The following XPO1 variants were observed in gnomAD, a reference collection of about 807,000 sequenced individuals.
XPO1 encodes the protein exportin 1.
A neutral mutation model predicts 133.3 loss-of-function variants in XPO1; 5 were observed. That is an observed-to-expected ratio of 0.04 (90% confidence interval 0.02 to 0.08). The LOEUF (loss-of-function observed/expected upper bound fraction) is 0.08, where lower values mean the gene tolerates loss of function less well. Ranked by LOEUF, XPO1 falls within the 10% of genes least tolerant of loss-of-function variation. The pLI, the probability that XPO1 is intolerant of heterozygous loss-of-function variation, is 1.00. For synonymous variants in XPO1, 419 were observed against 408.2 expected, an observed-to-expected ratio of 1.03 and a Z score of -0.32; for missense variants, 506 against 1,267.5, an observed-to-expected ratio of 0.40 and a Z score of 9.12.
At chr2:61,498,118 A>T (rs1002250700) in intron 9 of XPO1, among the ~76,000 whole-genome samples, 1 of 152,208 alleles carries the variant, frequency 6.6e-6, no homozygotes, top group African/African-American at 2.4e-5. Flanking sequence ...TTATTTTGAG[A>T]CAGGGTCTCG....
chr2:61,501,344 T>C (rs998856314), intron 6 of XPO1, among the ~76,000 whole-genome samples: 2 of 151,912 alleles, frequency 1.3e-5, no homozygotes, highest in South Asian at 4.1e-4. Context: ...GGACTAAGCA[T>C]GGAAATCAAT....
intron 2 of XPO1, among the ~76,000 whole-genome samples, chr2:61,531,977 G>C (rs935153431): frequency 1.3e-5 from 2 of 152,074 alleles, no homozygotes; most frequent in African/African-American, 4.8e-5. Context: ...TTCTACTATA[G>C]TAAAAGCAGT....
At chr2:61,488,975 G>A (rs1331865547) in intron 17 of XPO1, among the ~76,000 whole-genome samples, 6 of 151,964 alleles carry the variant, frequency 3.9e-5, no homozygotes, top group East Asian at 1.9e-4. Context: ...GGTGGCAGCC[G>A]CCTGTAGTCC....
At position 61,492,045 on chromosome 2, in the gene XPO1, T is replaced by C. The variant is rs964863809; in HGVS notation, c.1877A>G (p.Gln626Arg). The change falls in exon 16 of 25, where the codon CAG becomes CGG. Residue 626 changes from glutamine to arginine, a missense_variant. This residue lies in a region of XPO1 where 60 missense variants were observed against 211.0 expected (regional missense o/e 0.28). Transcript: ENST00000401558. This position sits in a 1 kb window ranked among gnomAD's most constrained non-coding sequence, Gnocchi z 5.6. The stretch of plus-strand genomic sequence containing the variant: ...CAGTGCTTAACATACCTGTTGAGGC[T>C]GAAGATCACAAATAATAGTGTTAAT... ...NNINTIICDL[Q>R]PQQVHTFYEA... The C allele has an allele frequency of 2.5e-6, 4 of 1,614,196 alleles. No individual in the cohort carries two copies. Among genetic ancestry groups the C allele is most frequent in the Non-Finnish European group, 3.4e-6 (4 of 1,180,030 alleles).
chr2:61,493,830 T>C (rs1317619448), intron 12 of XPO1, 64 bp downstream of exon 12: 11 of 1,526,774 alleles, frequency 7.2e-6, no homozygotes, highest in Non-Finnish European at 9.9e-6. Context: ...TTAGAAGTAT[T>C]TGGATTCAGA....
intron 4 of XPO1, among the ~76,000 whole-genome samples, chr2:61,504,554 TCAG>T (rs1406627544): frequency 6.6e-6 from 1 of 152,208 alleles, no homozygotes; most frequent in African/African-American, 2.4e-5. Flanking sequence ...TTCATAGCGT[TCAG>T]ATTTTTGGAA....
chr2:61,482,845 G>C, intron 22 of XPO1, 112 bp downstream of exon 22: 1 of 1,307,140 alleles, frequency 7.7e-7, no homozygotes, highest in Non-Finnish European at 1.1e-6. Flanking sequence ...GGCTGTTCTC[G>C]AACTCCTGAC....
At chr2:61,534,032 C>T (rs1247794982) in intron 1 of XPO1, 129 bp from the exon 2 acceptor site, 15 of 928,214 alleles carry the variant, frequency 1.6e-5, no homozygotes, top group Non-Finnish European at 1.9e-5. Flanking sequence ...ACTTTAATTA[C>T]AGAAAACTGA....
intron 4 of XPO1, among the ~76,000 whole-genome samples, chr2:61,516,090 C>T (rs1268844575): frequency 6.6e-6 from 1 of 151,246 alleles, no homozygotes; most frequent in African/African-American, 2.4e-5. Flanking sequence ...CTCGCCACTA[C>T]ACTCCAGCCT....
chr2:61,506,594 G>C (rs62151772), intron 4 of XPO1, among the ~76,000 whole-genome samples: 1 of 20,194 alleles, frequency 5.0e-5, no homozygotes, highest in African/African-American at 2.5e-4. Context: ...GCAAGATTCC[G>C]TCTCAAAAAA....
At chr2:61,534,052 A>G in intron 1 of XPO1, 149 bp from the exon 2 acceptor site, 1 of 751,380 alleles carries the variant, frequency 1.3e-6, no homozygotes, top group Non-Finnish European at 1.9e-6. Context: ...AGATAGTAAA[A>G]GCAAGTAACA....
intron 10 of XPO1, among the ~76,000 whole-genome samples, chr2:61,496,077 A>G (rs192745507): frequency 7.5e-4 from 115 of 152,318 alleles, no homozygotes; most frequent in African/African-American, 2.6e-3. Context: ...TAGGACTTAG[A>G]TTTTGACTCT....
Position 61,478,929 on chromosome 2 carries a change from T to C in XPO1, c.3107A>G (p.Glu1036Gly). The change falls in exon 25 of 25, where the codon GAA becomes GGA. Residue 1036 changes from glutamate to glycine, a missense_variant. Transcript: ENST00000401558. Reference sequence around the variant, plus strand: ...CTGCCGTAGGGCTATTTCTCTCTCTTCCAAAAACAAATCAGAAGTGTCTTC... The same window carrying C: ...CTGCCGTAGGGCTATTTCTCTCTCTCCCAAAAACAAATCAGAAGTGTCTTC... The part of the protein sequence containing the change: ...AGEDTSDLFL[E>G]EREIALRQAD... 1.2e-6 allele frequency: 2 copies of C among 1,613,996 alleles called. No homozygotes were observed. The highest frequency in any genetic ancestry group is 1.7e-6 in the Non-Finnish European group (2 of 1,179,978).
chr2:61,518,686 C>A (rs1698533656), intron 4 of XPO1, among the ~76,000 whole-genome samples: 1 of 151,968 alleles, frequency 6.6e-6, no homozygotes, highest in Non-Finnish European at 1.5e-5. Context: ...GCCCCAATAT[C>A]AAGGAGCTTA....
At chr2:61,482,612 G>A (rs1413279368) in intron 22 of XPO1, 73 bp from the exon 23 acceptor site, 1 of 1,023,526 alleles carries the variant, frequency 9.8e-7, no homozygotes, top group South Asian at 2.1e-5. Flanking sequence ...TTTTTGTTTT[G>A]TTTTTTTTTT....
intron 17 of XPO1, among the ~76,000 whole-genome samples, chr2:61,490,418 C>A (rs1041310174): frequency 6.6e-6 from 1 of 152,000 alleles, no homozygotes; most frequent in African/African-American, 2.4e-5. Flanking sequence ...AGGCTGATCT[C>A]GAACTTCTGG....
intron 16 of XPO1, among the ~76,000 whole-genome samples, chr2:61,491,733 AG>A (rs1235768163): frequency 2.0e-5 from 3 of 151,904 alleles, no homozygotes; most frequent in Non-Finnish European, 2.9e-5. Flanking sequence ...ATCTCTACCA[AG>A]GGGGGGAAAA....
Position 61,495,468 on chromosome 2 carries a change from T to C in XPO1, c.1034A>G (p.Glu345Gly). ...QLIEKRLNLR[E>G]TLMEALHYML... Reference sequence around the variant, plus strand: ...CACATATCTTACCTCCATAAGAGTTTCCCTGAGATTTAATCTTTTTTCTAT... The same window carrying C: ...CACATATCTTACCTCCATAAGAGTTCCCCTGAGATTTAATCTTTTTTCTAT... Residue 345 changes from glutamate (E) to glycine (G), a missense_variant, in exon 11 of 25, where the codon GAA becomes GGA. Glu to Gly is a moderately conservative substitution (Grantham distance 98, BLOSUM62 -2). This residue lies in a region of XPO1 where 134 missense variants were observed against 261.6 expected (regional missense o/e 0.51). Transcript: ENST00000401558. 1 of 1,564,606 alleles carries C rather than the reference T, an allele frequency of 6.4e-7. No homozygotes were observed. Among genetic ancestry groups the C allele is most frequent in the Non-Finnish European group, 8.7e-7 (1 of 1,151,184 alleles).
chr2:61,506,148 G>A (rs112627366), intron 4 of XPO1, among the ~76,000 whole-genome samples: 3 of 152,084 alleles, frequency 2.0e-5, no homozygotes, highest in South Asian at 4.2e-4. Flanking sequence ...CCAGCCGGAC[G>A]GATGGCTCAC....
Sources: gnomAD v4.1 joint callset for allele counts (sites outside exome capture counted in the v4.1 genomes callset) on GRCh38, gnomAD v4.1.1 for gene constraint, gnomAD v4.1.1 regional missense constraint, Gnocchi (gnomAD v3.1) non-coding constraint, MANE v1.5 for transcripts, NCBI Gene and HGNC (gene_info 2026-07-23, HGNC 2026-07-21) for gene names.